RAP1GDS1: variants seen among roughly 807,000 people sequenced by gnomAD.
RAP1GDS1 encodes RAP1, GTP-GDP dissociation stimulator 1.
In RAP1GDS1, 35 loss-of-function variants were observed where a neutral mutation model predicts 71.1. That is an observed-to-expected ratio of 0.49 (90% CI 0.38 to 0.65). The LOEUF (loss-of-function observed/expected upper bound fraction) is 0.65. Ranked by LOEUF, RAP1GDS1 falls within the 30% of genes least tolerant of loss-of-function variation. The pLI, the probability that RAP1GDS1 is intolerant of heterozygous loss-of-function variation, is 0.00. For synonymous variants in RAP1GDS1, 229 were observed against 243.1 expected (o/e 0.94, Z 0.54); for missense variants, 663 against 706.1 (o/e 0.94, Z 0.69).
At chr4:98,388,704 C>T (rs1743145944) in intron 5 of RAP1GDS1, among the ~76,000 whole-genome samples, 1 of 152,152 alleles carries the variant, frequency 6.6e-6, no homozygotes, top group African/African-American at 2.4e-5. Flanking sequence ...CCAGCCTGAG[C>T]AACAGAGTGA....
chr4:98,419,047 G>A (rs986090127), intron 10 of RAP1GDS1, among the ~76,000 whole-genome samples: 5 of 152,130 alleles, frequency 3.3e-5, no homozygotes, highest in African/African-American at 4.8e-5. Context: ...TTTTCATCAT[G>A]TTTTATAGTT....
At chr4:98,435,149 A>T (rs749758502) in intron 13 of RAP1GDS1, among the ~76,000 whole-genome samples, 1 of 152,180 alleles carries the variant, frequency 6.6e-6, no homozygotes, top group Admixed American at 6.5e-5. Context: ...CATTTGGGTA[A>T]ATACTGTTAA....
Position 98,352,482 on chromosome 4 carries a change from T to C in RAP1GDS1, c.242T>C (p.Met81Thr). The change falls in exon 4 of 15, where the codon ATG (methionine) becomes ACG (threonine). Residue 81 changes from methionine (M) to threonine (T), a missense_variant. Transcript: ENST00000408927. ...IIAEVAKNEF[M>T]RIPCVDAGLI... is the part of the protein sequence containing the mutation. ...ACATGTCTCTTATTTTCAGAGTTTA[T>C]GCGAATTCCATGTGTGGATGCTGGA... 1.2e-6 allele frequency: 2 copies of C among 1,613,534 alleles called. No individual in the cohort carries two copies. The highest frequency in any genetic ancestry group is 1.7e-6 in the Non-Finnish European group (2 of 1,179,612).
chr4:98,279,163 G>A (rs28644420), intron 1 of RAP1GDS1, among the ~76,000 whole-genome samples: 21,563 of 151,936 alleles, frequency 0.14, 2,226 homozygotes, highest in African/African-American at 0.29. Flanking sequence ...GGCAGAGCTT[G>A]CAGTGAGCCG....
At chr4:98,388,835 T>G (rs1222672024) in intron 5 of RAP1GDS1, among the ~76,000 whole-genome samples, 2 of 152,178 alleles carry the variant, frequency 1.3e-5, no homozygotes, top group African/African-American at 4.8e-5. Flanking sequence ...ACTTTTTTTA[T>G]GTATTTGGGT....
intron 1 of RAP1GDS1, among the ~76,000 whole-genome samples, chr4:98,272,940 A>G (rs957231549): frequency 3.9e-5 from 6 of 152,160 alleles, no homozygotes; most frequent in South Asian, 2.1e-4. Context: ...GCACCCACCT[A>G]TCGAGCTTTT....
chr4:98,395,144 G>T (rs1485881718), intron 6 of RAP1GDS1, among the ~76,000 whole-genome samples: 3 of 152,064 alleles, frequency 2.0e-5, no homozygotes, highest in Non-Finnish European at 4.4e-5. Flanking sequence ...TTTTAAAAGA[G>T]AACTTGAATT....
At chr4:98,410,677 A>G (rs1299594652) in intron 7 of RAP1GDS1, among the ~76,000 whole-genome samples, 1 of 152,258 alleles carries the variant, frequency 6.6e-6, no homozygotes, top group Non-Finnish European at 1.5e-5. Context: ...ATGAAAAGGA[A>G]TGAAGACAGC....
At chr4:98,263,639 GAA>G (rs2110216301) in intron 1 of RAP1GDS1, among the ~76,000 whole-genome samples, 1 of 152,310 alleles carries the variant, frequency 6.6e-6, no homozygotes, top group African/African-American at 2.4e-5. Flanking sequence ...CCCAGAAGAT[GAA>G]AAGTGTCTTA....
At chr4:98,365,704 C>A (rs1560907279) in intron 4 of RAP1GDS1, among the ~76,000 whole-genome samples, 1 of 152,148 alleles carries the variant, frequency 6.6e-6, no homozygotes, top group Non-Finnish European at 1.5e-5. Flanking sequence ...GGAATTTATA[C>A]ACATCTAACT....
chr4:98,406,949 A>G (rs1399242), intron 7 of RAP1GDS1, among the ~76,000 whole-genome samples: 21,348 of 152,076 alleles, frequency 0.14, 2,167 homozygotes, highest in African/African-American at 0.28. Flanking sequence ...TGAAAATGCT[A>G]TATCTCAGAT....
At chr4:98,330,795 G>A (rs1329502626) in intron 2 of RAP1GDS1, among the ~76,000 whole-genome samples, 8 of 151,590 alleles carry the variant, frequency 5.3e-5, no homozygotes, top group Non-Finnish European at 8.8e-5. Flanking sequence ...CTGGGAAGAA[G>A]CGCTCCTCAC....
intron 2 of RAP1GDS1, among the ~76,000 whole-genome samples, chr4:98,298,736 G>A (rs2081490): frequency 0.17 from 26,373 of 152,034 alleles, 3,734 homozygotes; most frequent in African/African-American, 0.39. Flanking sequence ...CACAACATCC[G>A]TGGATGAAGG....
chr4:98,299,267 A>G (rs1052376320), intron 2 of RAP1GDS1, among the ~76,000 whole-genome samples: 4 of 152,176 alleles, frequency 2.6e-5, no homozygotes, highest in Admixed American at 6.5e-5. Flanking sequence ...ATAGTATTCT[A>G]TGGTGTATAT....
At chr4:98,288,138 G>A (rs1008974803) in intron 1 of RAP1GDS1, among the ~76,000 whole-genome samples, 6 of 151,830 alleles carry the variant, frequency 4.0e-5, no homozygotes, top group Non-Finnish European at 7.4e-5. Flanking sequence ...CCATTAACTC[G>A]TCATTTAACA....
intron 1 of RAP1GDS1, among the ~76,000 whole-genome samples, chr4:98,282,994 A>G (rs28753895): frequency 0.43 from 65,628 of 151,890 alleles, 17,821 homozygotes; most frequent in African/African-American, 0.78. Context: ...ACAGTTTGTT[A>G]TGATTTTTGT....
chr4:98,376,233 G>T (rs1233497767), intron 4 of RAP1GDS1, among the ~76,000 whole-genome samples: 1 of 152,070 alleles, frequency 6.6e-6, no homozygotes, highest in Admixed American at 6.6e-5. Flanking sequence ...TATATTTTTA[G>T]AAGTGACAGC....
At chr4:98,285,118 A>G (rs543992333) in intron 1 of RAP1GDS1, among the ~76,000 whole-genome samples, 10 of 152,262 alleles carry the variant, frequency 6.6e-5, no homozygotes, top group Non-Finnish European at 8.8e-5. Flanking sequence ...TTATATAAAA[A>G]CGTTTTTATA....
chr4:98,368,005 G>T (rs1283227073), intron 4 of RAP1GDS1, among the ~76,000 whole-genome samples: 2 of 152,060 alleles, frequency 1.3e-5, no homozygotes, highest in Non-Finnish European at 2.9e-5. Flanking sequence ...GGAGGGGCCG[G>T]GGGTGGAATG....
Sources: gnomAD v4.1 joint callset for allele counts (sites outside exome capture counted in the v4.1 genomes callset) on GRCh38, gnomAD v4.1.1 for gene constraint, MANE v1.5 for transcripts, NCBI Gene and HGNC (gene_info 2026-07-23, HGNC 2026-07-21) for gene names.